Variants in METTL21A observed in about 807,000 individuals in gnomAD.
METTL21A encodes the protein methyltransferase 21A, HSPA lysine.
Under a neutral mutation model 20.9 loss-of-function variants are expected in METTL21A, and 22 were observed. The observed-to-expected ratio is 1.05, with a 90% CI of 0.75 to 1.50. The LOEUF is 1.50. Ranked by LOEUF, METTL21A falls within the 40% of genes most tolerant of loss-of-function variation. The pLI is 0.00. For synonymous variants in METTL21A, 93 were observed against 102.0 expected (o/e 0.91, Z 0.53); for missense variants, 271 against 266.8 (o/e 1.02, Z -0.11).
intron 3 of METTL21A, among the ~76,000 whole-genome samples, chr2:207,620,124 CAG>C (rs1217204288): frequency 6.6e-6 from 1 of 152,050 alleles, no homozygotes; most frequent in Non-Finnish European, 1.5e-5. Flanking sequence ...CTTATATCAG[CAG>C]AGAGAGAAGT....
At chr2:207,589,297 T>C (rs2084510783) in intron 3 of METTL21A, among the ~76,000 whole-genome samples, 1 of 152,218 alleles carries the variant, frequency 6.6e-6, no homozygotes, top group South Asian at 2.1e-4. Context: ...GCCACCCACA[T>C]TTTTTGCCTC....
chr2:207,624,276 G>T, exon 2 of METTL21A: 9 of 1,613,414 alleles, frequency 5.6e-6, no homozygotes, highest in Non-Finnish European at 7.6e-6. Flanking sequence ...CAGTCCTGCC[G>T]GATCTGGATC....
exon 4 of METTL21A, chr2:207,613,148 T>C (rs371501865): frequency 6.2e-7 from 1 of 1,613,948 alleles, no homozygotes; most frequent in Non-Finnish European, 8.5e-7. Flanking sequence ...TCTCCAGCAT[T>C]GCTAAGAAGT....
intron 3 of METTL21A, among the ~76,000 whole-genome samples, chr2:207,585,224 G>T (rs527517374): frequency 4.5e-4 from 68 of 152,270 alleles, no homozygotes; most frequent in African/African-American, 1.6e-3. Context: ...CAGCCAACCT[G>T]ATGTCCCCAT....
At chr2:207,621,783 A>G in intron 3 of METTL21A, 23 bp downstream of exon 3, 2 of 1,590,750 alleles carry the variant, frequency 1.3e-6, no homozygotes, top group Non-Finnish European at 1.7e-6. Context: ...CTGCTCACTA[A>G]GGAGTCAATG....
In METTL21A at chr2:207,613,078, C is replaced by G. The variant is rs35026137; in HGVS notation, c.625G>C (p.Ala209Pro). 1,839 of 1,582,066 alleles carry G rather than the reference C, an allele frequency of 1.2e-3. 20 individuals are homozygous for G. In the African/African-American group the frequency reaches 0.021, roughly 18 times the overall value. Residue 209 changes from alanine (A) to proline (P), a missense_variant, in exon 4 of 4, where the codon GCA (alanine) becomes CCA (proline). By Grantham distance (27) the Ala-to-Pro change is conservative. Coordinates refer to ENST00000406927, the Ensembl canonical transcript of METTL21A. Reference sequence around the variant, plus strand: ...TCCTCCTTCTGGTTTCTCTTCTGTGCTTCGTAAATATGTACATCTTTTTCA... The same window carrying G: ...TCCTCCTTCTGGTTTCTCTTCTGTGGTTCGTAAATATGTACATCTTTTTCA...
downstream of METTL21A, among the ~76,000 whole-genome samples, chr2:207,606,531 T>A (rs1215219991): frequency 6.6e-6 from 1 of 152,174 alleles, no homozygotes; most frequent in East Asian, 1.9e-4. Flanking sequence ...GACTGTCCGG[T>A]GTCATGCTGT....
At chr2:207,588,689 A>G (rs1263932811) in intron 3 of METTL21A, among the ~76,000 whole-genome samples, 1 of 145,280 alleles carries the variant, frequency 6.9e-6, no homozygotes, top group Non-Finnish European at 1.5e-5. Flanking sequence ...TCCTGTACAT[A>G]TCTTACTGGA....
At chr2:207,625,013 G>C (rs879218159) in intron 1 of METTL21A, 49 bp downstream of exon 1, 1 of 152,364 alleles carries the variant, frequency 6.6e-6, no homozygotes, top group Non-Finnish European at 1.5e-5. Context: ...GGGGACAGCG[G>C]GGACTCGGAG....
chr2:207,608,530 C>T (rs1222850419), downstream of METTL21A, among the ~76,000 whole-genome samples: 1 of 152,160 alleles, frequency 6.6e-6, no homozygotes, highest in Non-Finnish European at 1.5e-5. Flanking sequence ...CCAATAACAG[C>T]TTACCTCATT....
downstream of METTL21A, among the ~76,000 whole-genome samples, chr2:207,605,457 C>T (rs367769465): frequency 2.4e-4 from 36 of 152,118 alleles, no homozygotes; most frequent in East Asian, 2.3e-3. Context: ...ATAATATTTT[C>T]GCCTATAAGT....
At chr2:207,592,696 G>A (rs750150524) in intron 3 of METTL21A, among the ~76,000 whole-genome samples, 11 of 151,918 alleles carry the variant, frequency 7.2e-5, no homozygotes, top group Admixed American at 2.6e-4. Context: ...CAAGGCAGGC[G>A]GATCACGAGG....
chr2:207,582,948 C>A, intron 3 of METTL21A: 2 of 178,906 alleles, frequency 1.1e-5, no homozygotes, highest in Non-Finnish European at 1.2e-5. Flanking sequence ...CACACACATA[C>A]ACCTTCATAT....
intron 3 of METTL21A, chr2:207,596,813 T>C (rs2106636799): frequency 7.5e-7 from 1 of 1,327,402 alleles, no homozygotes; most frequent in East Asian, 2.4e-5. Flanking sequence ...AAAATGTTGG[T>C]TGCTGTGAGC....
At chr2:207,613,582 G>T in intron 3 of METTL21A, 139 bp from the exon 4 acceptor site, 1 of 742,448 alleles carries the variant, frequency 1.3e-6, no homozygotes, top group Non-Finnish European at 2.0e-6. Context: ...TTCATGGACA[G>T]CTGCAATAGA....
chr2:207,585,141 A>G (rs1244262192), intron 3 of METTL21A, among the ~76,000 whole-genome samples: 1 of 152,074 alleles, frequency 6.6e-6, no homozygotes, highest in African/African-American at 2.4e-5. Flanking sequence ...TCACTATCAC[A>G]TTGGCCACCC....
At chr2:207,624,230 G>A (rs2090847305) in exon 2 of METTL21A, 1 of 1,599,062 alleles carries the variant, frequency 6.3e-7, no homozygotes, top group East Asian at 2.3e-5. Flanking sequence ...CTTACTTACC[G>A]CATCCCAAAC....
chr2:207,596,256 G>C (rs1014106565), intron 3 of METTL21A, among the ~76,000 whole-genome samples: 2 of 152,114 alleles, frequency 1.3e-5, no homozygotes, highest in Non-Finnish European at 2.9e-5. Flanking sequence ...GAAATGATTA[G>C]TTTGTAAGAT....
chr2:207,623,423 A>AGTCAGAACAGGGCAGG (rs2107341226), intron 2 of METTL21A, among the ~76,000 whole-genome samples: 1 of 152,352 alleles, frequency 6.6e-6, no homozygotes, highest in Admixed American at 6.5e-5. Flanking sequence ...TGAGGGCTCA[A>AGTCAGAACAGGGCAGG]GTCAGAACAG....
Sources: allele counts gnomAD v4.1 joint callset (sites outside exome capture counted in the v4.1 genomes callset), GRCh38; gene constraint gnomAD v4.1.1; transcripts MANE v1.5; gene names NCBI Gene and HGNC (gene_info 2026-07-23, HGNC 2026-07-21).